FAM222B: variants seen among roughly 807,000 people sequenced by gnomAD.
FAM222B encodes protein FAM222B.
A neutral mutation model predicts 38.0 loss-of-function variants in FAM222B; 12 were observed. The observed-to-expected ratio is 0.32, with a 90% CI of 0.20 to 0.51. The LOEUF is 0.51. FAM222B is among the 20% of genes least tolerant of loss of function. FAM222B has a pLI of 0.97. For synonymous variants in FAM222B, 329 were observed against 317.2 expected (o/e 1.04, Z -0.40); for missense variants, 716 against 754.2 (o/e 0.95, Z 0.59).
intron 1 of FAM222B, among the ~76,000 whole-genome samples, chr17:28,807,295 C>T (rs1467825781): frequency 2.0e-5 from 3 of 152,070 alleles, no homozygotes; most frequent in South Asian, 2.1e-4. Flanking sequence ...GGATTACAGG[C>T]GTGAGCCACC....
chr17:28,798,589 A>G (rs1414730251), intron 1 of FAM222B, among the ~76,000 whole-genome samples: 2 of 151,496 alleles, frequency 1.3e-5, no homozygotes, highest in African/African-American at 4.8e-5. Flanking sequence ...CATAACTAAT[A>G]CAGTTTTTGT....
chr17:28,832,749 A>C (rs570167157), intron 1 of FAM222B, among the ~76,000 whole-genome samples: 3 of 152,204 alleles, frequency 2.0e-5, no homozygotes, highest in Non-Finnish European at 4.4e-5. Context: ...AGAGAAATAC[A>C]TAAGTCTGTT....
At chr17:28,767,631 A>C (rs1013541813) in intron 1 of FAM222B, among the ~76,000 whole-genome samples, 7 of 150,472 alleles carry the variant, frequency 4.7e-5, no homozygotes, top group African/African-American at 1.7e-4. Flanking sequence ...GCATGCCGCC[A>C]TGCCCAGCCA....
chr17:28,766,968 A>G (rs932127077), intron 1 of FAM222B: 5 of 358,132 alleles, frequency 1.4e-5, no homozygotes, highest in African/African-American at 1.0e-4. Flanking sequence ...TATTCATACA[A>G]CTGGAAAGTA....
chr17:28,852,359 A>C (rs1047684278), intron 1 of FAM222B, among the ~76,000 whole-genome samples: 1 of 151,928 alleles, frequency 6.6e-6, no homozygotes, highest in Non-Finnish European at 1.5e-5. Flanking sequence ...CTGTCTCCAA[A>C]AAAAAATGTT....
At chr17:28,786,995 G>A (rs557959703) in intron 1 of FAM222B, among the ~76,000 whole-genome samples, 11 of 140,800 alleles carry the variant, frequency 7.8e-5, no homozygotes, top group Admixed American at 2.4e-4. Context: ...TGCGATCTCC[G>A]CTCACGGCAA....
At chr17:28,817,591 C>T (rs944387830) in intron 1 of FAM222B, among the ~76,000 whole-genome samples, 2 of 151,808 alleles carry the variant, frequency 1.3e-5, no homozygotes, top group Admixed American at 1.3e-4. Flanking sequence ...CCATGGTGGT[C>T]GCCTATAATC....
Position 28,797,059 on chromosome 17 carries a change from A to G in FAM222B, c.-40-30352T>C, listed in dbSNP as rs542707134. Among the ~76,000 whole-genome samples the G allele has an allele frequency of 2.8e-4, 42 of 147,854 alleles. 2 individuals carry two copies. The South Asian group carries it at 8.4e-3, about 29-fold the overall frequency. On this transcript the variant is annotated intron_variant, in intron 1 of 2. Coordinates refer to ENST00000581407, the MANE Select transcript of FAM222B (RefSeq NM_001077498.3). Reference sequence around the variant, plus strand: ...GCTCTGTCACCCAGGCTAGAGTACAATGGTGCGATCTCAGCTCACTGCAAC... The same window carrying G: ...GCTCTGTCACCCAGGCTAGAGTACAGTGGTGCGATCTCAGCTCACTGCAAC...
intron 1 of FAM222B, among the ~76,000 whole-genome samples, chr17:28,791,940 G>A (rs992488510): frequency 4.6e-5 from 7 of 151,168 alleles, no homozygotes; most frequent in Non-Finnish European, 7.4e-5. Flanking sequence ...GATTAAAGGT[G>A]TGAACCACCT....
chr17:28,801,572 G>T (rs2037231594), intron 1 of FAM222B, among the ~76,000 whole-genome samples: 1 of 145,468 alleles, frequency 6.9e-6, no homozygotes, highest in Non-Finnish European at 1.5e-5. Flanking sequence ...GGCTGGGCAT[G>T]GTGGCTCACG....
At chr17:28,794,248 T>C (rs1412153587) in intron 1 of FAM222B, among the ~76,000 whole-genome samples, 5 of 150,710 alleles carry the variant, frequency 3.3e-5, no homozygotes, top group Admixed American at 3.3e-4. Flanking sequence ...AGACAGAGTC[T>C]TGCTCTGTCA....
intron 1 of FAM222B, among the ~76,000 whole-genome samples, chr17:28,800,931 G>A (rs147522823): frequency 0.021 from 3,232 of 151,084 alleles, 107 homozygotes; most frequent in African/African-American, 0.074. Context: ...AGGCCGAGGC[G>A]GGTGGATCAC....
chr17:28,778,101 C>T (rs576277221), intron 1 of FAM222B, among the ~76,000 whole-genome samples: 2 of 143,734 alleles, frequency 1.4e-5, no homozygotes, highest in South Asian at 4.6e-4. Context: ...TTTTATTTTA[C>T]TGTAAGTTCT....
intron 1 of FAM222B, among the ~76,000 whole-genome samples, chr17:28,850,288 G>A (rs2039172138): frequency 1.3e-5 from 2 of 151,754 alleles, no homozygotes; most frequent in African/African-American, 2.4e-5. Flanking sequence ...CCTCACCCTT[G>A]GCCATATGAG....
chr17:28,833,240 T>C (rs2087354), intron 1 of FAM222B, among the ~76,000 whole-genome samples: 28,585 of 149,682 alleles, frequency 0.19, 2,831 homozygotes, highest in South Asian at 0.3. Flanking sequence ...ACCCAGGAAG[T>C]GGAGGTTGCA....
intron 1 of FAM222B, among the ~76,000 whole-genome samples, chr17:28,788,270 A>G (rs2036509590): frequency 6.6e-6 from 1 of 152,160 alleles, no homozygotes; most frequent in South Asian, 2.1e-4. Flanking sequence ...ACAAGGTCTC[A>G]CCCTGTCATC....
At chr17:28,794,355 G>A (rs62066830) in intron 1 of FAM222B, among the ~76,000 whole-genome samples, 3,381 of 151,900 alleles carry the variant, frequency 0.022, 61 homozygotes, top group Non-Finnish European at 0.03. Context: ...AAGTAGCTGG[G>A]ACTACAAACA....
At chr17:28,791,546 C>T (rs986035493) in intron 1 of FAM222B, among the ~76,000 whole-genome samples, 1 of 151,854 alleles carries the variant, frequency 6.6e-6, no homozygotes, top group African/African-American at 2.4e-5. Context: ...TAGAGAATTT[C>T]GCCATTGGAA....
chr17:28,812,913 A>G, intron 1 of FAM222B, among the ~76,000 whole-genome samples: 1 of 148,746 alleles, frequency 6.7e-6, no homozygotes, highest in Non-Finnish European at 1.5e-5. Context: ...AGTCTAATCA[A>G]CTGCACTGCA....
Sources: gnomAD v4.1 joint callset for allele counts (sites outside exome capture counted in the v4.1 genomes callset) on GRCh38, gnomAD v4.1.1 for gene constraint, MANE v1.5 for transcripts, NCBI Gene and HGNC (gene_info 2026-07-23, HGNC 2026-07-21) for gene names.